SOBP: variants seen among roughly 807,000 people sequenced by gnomAD.
SOBP encodes sine oculis-binding protein homolog.
In SOBP, 4 loss-of-function variants were observed where a neutral mutation model predicts 53.6. The observed-to-expected ratio is 0.07, with a 90% CI of 0.04 to 0.17. The LOEUF is 0.17. Ranked by LOEUF, SOBP falls within the 10% of genes least tolerant of loss-of-function variation. SOBP has a pLI of 1.00. For missense variants in SOBP, 1,088 were observed against 1,204.7 expected, an observed-to-expected ratio of 0.90 and a Z score of 1.43; for synonymous variants, 584 against 522.6, an observed-to-expected ratio of 1.12 and a Z score of -1.60.
chr6:107,523,480 TC>T (rs1375768262), intron 3 of SOBP, among the ~76,000 whole-genome samples: 3 of 152,254 alleles, frequency 2.0e-5, no homozygotes, highest in Non-Finnish European at 4.4e-5. Flanking sequence ...AACTTGACTT[TC>T]TGGGTGTGAC....
At chr6:107,510,416 T>G (rs1783136428) in intron 3 of SOBP, 1 of 152,096 alleles carries the variant, frequency 6.6e-6, no homozygotes, top group South Asian at 2.1e-4. Flanking sequence ...AAATAGTGAG[T>G]TTTCAGGGTA....
At chr6:107,533,271 C>CAAAAA (rs762864049) in intron 3 of SOBP, among the ~76,000 whole-genome samples, 188 bp from the exon 4 acceptor site, 12 of 32,824 alleles carry the variant, frequency 3.7e-4, no homozygotes, top group Admixed American at 3.9e-4. Context: ...ACTTAGGAGC[C>CAAAAA]AAAAAAAAAA....
chr6:107,657,973 C>T (rs1012591859), intron 6 of SOBP, among the ~76,000 whole-genome samples: 5 of 152,100 alleles, frequency 3.3e-5, no homozygotes, highest in Non-Finnish European at 5.9e-5. Flanking sequence ...TTCCAAAAAG[C>T]GACTTGAGTT....
Position 107,633,498 on chromosome 6 carries a change from T to TA in SOBP, c.670-15dup. The TA allele has an allele frequency of 6.2e-7, 1 of 1,614,258 alleles. No homozygotes were observed. Among genetic ancestry groups the TA allele is most frequent in the Non-Finnish European group, 8.5e-7 (1 of 1,180,046 alleles). ...GCTTGTCTTACCTGTTGTGGTTTTT[T>TA]ATTACTGTGTTGTAGGTATGTGACT... On this transcript the variant is annotated splice_polypyrimidine_tract_variant and intron_variant, in intron 5 of 6. Coordinates refer to ENST00000317357, the MANE Select transcript of SOBP (RefSeq NM_018013.4).
chr6:107,502,772 T>A (rs992910578), intron 1 of SOBP, among the ~76,000 whole-genome samples: 8 of 152,020 alleles, frequency 5.3e-5, no homozygotes, highest in Admixed American at 1.3e-4. Context: ...TAAAAAAAAA[T>A]TTTTTTGAGA....
intron 3 of SOBP, among the ~76,000 whole-genome samples, chr6:107,509,249 C>A (rs1245466274): frequency 6.6e-6 from 1 of 152,046 alleles, no homozygotes; most frequent in African/African-American, 2.4e-5. Context: ...ACAAAATTAG[C>A]TGGGCATGGT....
intron 3 of SOBP, among the ~76,000 whole-genome samples, chr6:107,520,575 G>A (rs1783454096): frequency 1.3e-5 from 2 of 152,178 alleles, no homozygotes; most frequent in African/African-American, 4.8e-5. Flanking sequence ...GACGTAGCTA[G>A]GATAATACTT....
At chr6:107,596,715 G>A (rs1785959886) in intron 5 of SOBP, among the ~76,000 whole-genome samples, 1 of 152,068 alleles carries the variant, frequency 6.6e-6, no homozygotes, top group African/African-American at 2.4e-5. Context: ...TAAATTCATG[G>A]AGATACATAG....
chr6:107,581,014 T>A (rs188585572), intron 4 of SOBP, among the ~76,000 whole-genome samples: 1 of 152,346 alleles, frequency 6.6e-6, no homozygotes, highest in East Asian at 1.9e-4. Flanking sequence ...CATTCATTTA[T>A]TCATTCGCTC....
At chr6:107,512,339 A>G (rs1451363894) in intron 3 of SOBP, among the ~76,000 whole-genome samples, 1 of 152,244 alleles carries the variant, frequency 6.6e-6, no homozygotes, top group African/African-American at 2.4e-5. Flanking sequence ...TCATTCGAAG[A>G]TGATCATGCC....
intron 6 of SOBP, among the ~76,000 whole-genome samples, chr6:107,649,656 A>C (rs1042470001): frequency 6.8e-6 from 1 of 148,034 alleles, no homozygotes; most frequent in Non-Finnish European, 1.5e-5. Flanking sequence ...CATCTGCTAT[A>C]GTGTGTTTGT....
At chr6:107,492,579 T>G (rs897832624) in intron 1 of SOBP, among the ~76,000 whole-genome samples, 2 of 152,222 alleles carry the variant, frequency 1.3e-5, no homozygotes, top group African/African-American at 2.4e-5. Flanking sequence ...GTTGTCCTTC[T>G]GCAGTATAAC....
At chr6:107,548,792 C>G (rs1045590793) in intron 4 of SOBP, among the ~76,000 whole-genome samples, 5 of 151,844 alleles carry the variant, frequency 3.3e-5, no homozygotes, top group Non-Finnish European at 7.4e-5. Context: ...AAAAAAATCA[C>G]CCAGGTGTGA....
chr6:107,640,784 C>G (rs1399248547), intron 6 of SOBP, among the ~76,000 whole-genome samples: 1 of 152,188 alleles, frequency 6.6e-6, no homozygotes, highest in Non-Finnish European at 1.5e-5. Context: ...CAGATGTACC[C>G]ATAACCTTCC....
intron 3 of SOBP, among the ~76,000 whole-genome samples, chr6:107,523,297 C>T (rs569133717): frequency 2.0e-5 from 3 of 152,128 alleles, no homozygotes; most frequent in African/African-American, 4.8e-5. Flanking sequence ...GGCATAGGGC[C>T]CCTTCAGAGA....
chr6:107,543,132 C>A (rs1784199245), intron 4 of SOBP, among the ~76,000 whole-genome samples: 1 of 152,170 alleles, frequency 6.6e-6, no homozygotes, highest in Non-Finnish European at 1.5e-5. Flanking sequence ...TAACAGAAGA[C>A]CTCAACAATA....
At chr6:107,555,653 C>G (rs1272596559) in intron 4 of SOBP, among the ~76,000 whole-genome samples, 1 of 152,204 alleles carries the variant, frequency 6.6e-6, no homozygotes, top group African/African-American at 2.4e-5. Flanking sequence ...ACACAATTGC[C>G]CATCAGCACT....
chr6:107,617,454 C>T (rs963750902), intron 5 of SOBP, among the ~76,000 whole-genome samples: 4 of 152,116 alleles, frequency 2.6e-5, no homozygotes, highest in African/African-American at 7.2e-5. Context: ...GGGTTTGTGT[C>T]GCCTTTACTG....
rs761308537 is a variant in SOBP, at chr6:107,633,886, C to G, written c.1042C>G (p.Pro348Ala). The G allele has an allele frequency of 1.5e-5, 25 of 1,614,096 alleles. No individual in the cohort carries two copies. The highest frequency in any genetic ancestry group is 2.1e-5 in the Non-Finnish European group (25 of 1,180,044). ...CTGCTCTGTCACTAAAATCCCCACGCCAGTGCCCAAGTCCATCCCCATCAG... is the reference window on the plus strand; with the variant it reads ...CTGCTCTGTCACTAAAATCCCCACGGCAGTGCCCAAGTCCATCCCCATCAG... ...ANCSVTKIPTPVPKSIPISET... is the reference protein window; with the variant it reads ...ANCSVTKIPTAVPKSIPISET... The change falls in exon 6 of 7, where the codon CCA (proline) becomes GCA (alanine). Residue 348 changes from proline to alanine, a missense_variant. Around this residue, in one of 6 missense-constraint regions of SOBP, gnomAD observed 211 missense variants for 258.9 expected, o/e 0.82. Transcript: ENST00000317357.
Sources: allele counts gnomAD v4.1 joint callset (sites outside exome capture counted in the v4.1 genomes callset), GRCh38; gene constraint gnomAD v4.1.1; regional missense constraint gnomAD v4.1.1; transcripts MANE v1.5; gene names NCBI Gene and HGNC (gene_info 2026-07-23, HGNC 2026-07-21).